Variants in PTPRD observed in about 807,000 individuals in gnomAD.
The protein encoded by PTPRD is protein tyrosine phosphatase receptor type D, also known as receptor-type tyrosine-protein phosphatase delta.
PTPRD carries 34 observed loss-of-function variants against 214.5 expected under a neutral mutation model. That is an observed-to-expected ratio of 0.16 (90% CI 0.12 to 0.21). The LOEUF is 0.21. Among genes scored for constraint, PTPRD ranks in the 10% least tolerant of loss-of-function variants. The probability of loss-of-function intolerance (pLI) is 1.00; values close to 1 mark genes in which losing one functional copy is unlikely to be tolerated. For missense variants in PTPRD, 2,545 were observed against 2,398.7 expected, an observed-to-expected ratio of 1.06 and a Z score of -1.27; for synonymous variants, 1,128 against 845.7, an observed-to-expected ratio of 1.33 and a Z score of -5.79.
chr9:10,348,836 TAAATAA>T (rs925276208), intron 2 of PTPRD, among the ~76,000 whole-genome samples: 1 of 152,172 alleles, frequency 6.6e-6, no homozygotes, highest in Non-Finnish European at 1.5e-5. Flanking sequence ...TTTTGATCCC[TAAATAA>T]GATGGCTACA....
chr9:9,126,270 T>A (rs769055706), intron 10 of PTPRD, among the ~76,000 whole-genome samples: 1 of 152,172 alleles, frequency 6.6e-6, no homozygotes, highest in Admixed American at 6.5e-5. Context: ...AGGGGCAGGA[T>A]TCAAAACATT....
chr9:10,366,300 A>G (rs1002554659), intron 2 of PTPRD, among the ~76,000 whole-genome samples: 6 of 152,184 alleles, frequency 3.9e-5, no homozygotes, highest in African/African-American at 1.2e-4. Flanking sequence ...GTACATTCAC[A>G]TAAACTGCTA....
chr9:9,957,455 G>A (rs962930505), intron 4 of PTPRD, among the ~76,000 whole-genome samples: 2 of 151,958 alleles, frequency 1.3e-5, no homozygotes, highest in Non-Finnish European at 2.9e-5. Flanking sequence ...TTACAAGAGA[G>A]CAAGCATATT....
intron 2 of PTPRD, among the ~76,000 whole-genome samples, chr9:10,422,793 A>C (rs1399655562): frequency 1.3e-5 from 2 of 152,110 alleles, no homozygotes; most frequent in Non-Finnish European, 2.9e-5. Context: ...ATCATTAAAA[A>C]GTCAGGAAAC....
chr9:9,956,250 G>C (rs1400681119), intron 4 of PTPRD, among the ~76,000 whole-genome samples: 3 of 149,194 alleles, frequency 2.0e-5, no homozygotes, highest in South Asian at 2.1e-4. Flanking sequence ...TTAAGGTGAG[G>C]TTTACCTCAG....
At chr9:8,875,732 T>C (rs2098382159) in intron 11 of PTPRD, among the ~76,000 whole-genome samples, 1 of 152,156 alleles carries the variant, frequency 6.6e-6, no homozygotes, top group South Asian at 2.1e-4. Context: ...ATGTATAATA[T>C]TTCATGATTT....
At chr9:9,479,520 T>G (rs2095304922) in intron 8 of PTPRD, among the ~76,000 whole-genome samples, 1 of 152,172 alleles carries the variant, frequency 6.6e-6, no homozygotes, top group Admixed American at 6.6e-5. Flanking sequence ...AGGCAGTATT[T>G]CTATGCCAAT....
chr9:9,787,706 A>G (rs1448183984), intron 5 of PTPRD, among the ~76,000 whole-genome samples: 1 of 151,892 alleles, frequency 6.6e-6, no homozygotes, highest in African/African-American at 2.4e-5. Context: ...GAGAAAGATT[A>G]AAGACACAAA....
intron 5 of PTPRD, among the ~76,000 whole-genome samples, chr9:9,838,301 G>A (rs1158683240): frequency 2.0e-5 from 3 of 151,980 alleles, no homozygotes; most frequent in Non-Finnish European, 4.4e-5. Context: ...GGATGGCTGG[G>A]TCAAATGGTA....
At chr9:10,439,671 C>T (rs565330630) in intron 2 of PTPRD, among the ~76,000 whole-genome samples, 2 of 151,616 alleles carry the variant, frequency 1.3e-5, no homozygotes, top group African/African-American at 4.8e-5. Flanking sequence ...ACAACAACAA[C>T]AAAAAATAAA....
At chr9:9,407,363 C>A (rs2073857370) in intron 8 of PTPRD, among the ~76,000 whole-genome samples, 1 of 151,532 alleles carries the variant, frequency 6.6e-6, no homozygotes, top group Non-Finnish European at 1.5e-5. Flanking sequence ...TTGTTTCTAC[C>A]TAACATGATT....
At chr9:8,426,752 C>T (rs1248927649) in intron 35 of PTPRD, among the ~76,000 whole-genome samples, 2 of 148,864 alleles carry the variant, frequency 1.3e-5, no homozygotes, top group East Asian at 3.9e-4. Context: ...AAAGGCTCTA[C>T]TATGAAAGAT....
At chr9:9,705,733 C>CA (rs2097587486) in intron 7 of PTPRD, among the ~76,000 whole-genome samples, 1 of 151,786 alleles carries the variant, frequency 6.6e-6, no homozygotes, top group African/African-American at 2.4e-5. Context: ...TACTAATGTA[C>CA]AAAAAAATCA....
At chr9:8,823,704 G>A (rs536422647) in intron 11 of PTPRD, among the ~76,000 whole-genome samples, 1 of 152,220 alleles carries the variant, frequency 6.6e-6, no homozygotes, top group East Asian at 1.9e-4. Context: ...GAAAGGAAAG[G>A]AAAGGCGGAA....
chr9:9,130,413 T>C (rs1013634341), intron 10 of PTPRD, among the ~76,000 whole-genome samples: 3 of 152,180 alleles, frequency 2.0e-5, no homozygotes, highest in African/African-American at 7.2e-5. Flanking sequence ...CTTAACAATT[T>C]TAGACACCCA....
At chr9:9,529,596 A>G (rs1009183646) in intron 8 of PTPRD, among the ~76,000 whole-genome samples, 1 of 152,158 alleles carries the variant, frequency 6.6e-6, no homozygotes, top group Admixed American at 6.5e-5. Context: ...ATAGGACTAC[A>G]TACTCATTAA....
intron 9 of PTPRD, among the ~76,000 whole-genome samples, chr9:9,329,431 C>G (rs879110455): frequency 2.0e-5 from 3 of 152,032 alleles, no homozygotes; most frequent in Admixed American, 2.0e-4. Context: ...TGTGAGATAA[C>G]AGTAGACACT....
At position 10,063,178 on chromosome 9, in the gene PTPRD, CA is replaced by C. The variant is rs376176846; in HGVS notation, c.-544-29389del. ...TTCTATGTAACAAGGTCAAGTTCTGCAAAGAAGAATTGTGTAAATTCAGCAA... is the reference window on the plus strand; with the variant it reads ...TTCTATGTAACAAGGTCAAGTTCTGCAAGAAGAATTGTGTAAATTCAGCAA... On this transcript the variant is annotated intron_variant, in intron 3 of 45. Transcript: ENST00000381196. Among the ~76,000 whole-genome samples the C allele has an allele frequency of 4.3e-3, 651 of 152,080 alleles. 7 individuals carry two copies. Among genetic ancestry groups the C allele is most frequent in the African/African-American group, 0.015 (610 of 41,506 alleles).
chr9:8,463,388 TAAGA>T (rs1357975157), intron 32 of PTPRD, among the ~76,000 whole-genome samples: 2 of 148,518 alleles, frequency 1.3e-5, no homozygotes, highest in African/African-American at 4.9e-5. Context: ...ACTATATATC[TAAGA>T]AACATGATTT....
Sources: gnomAD v4.1 joint callset for allele counts (sites outside exome capture counted in the v4.1 genomes callset) on GRCh38, gnomAD v4.1.1 for gene constraint, MANE v1.5 for transcripts, NCBI Gene and HGNC (gene_info 2026-07-23, HGNC 2026-07-21) for gene names.